Variants in FGD4 observed in about 807,000 individuals in gnomAD.
FGD4 encodes FYVE, RhoGEF and PH domain-containing protein 4.
Under a neutral mutation model 102.0 loss-of-function variants are expected in FGD4, and 42 were observed. That is an observed-to-expected ratio of 0.41 (90% CI 0.32 to 0.53). The LOEUF is 0.53. FGD4 is among the 20% of genes least tolerant of loss of function. The pLI is 0.21. For synonymous variants in FGD4, 380 were observed against 375.7 expected (o/e 1.01, Z -0.13); for missense variants, 902 against 1,078.2 (o/e 0.84, Z 2.29).
intron 1 of FGD4, among the ~76,000 whole-genome samples, chr12:32,471,062 C>T (rs1943403791): frequency 6.6e-6 from 1 of 152,210 alleles, no homozygotes; most frequent in Admixed American, 6.5e-5. Context: ...TCTTTCCATT[C>T]TTCTCCTGTC....
At chr12:32,505,389 TAGCTC>T (rs1454760157) in intron 1 of FGD4, among the ~76,000 whole-genome samples, 1 of 152,238 alleles carries the variant, frequency 6.6e-6, no homozygotes, top group Non-Finnish European at 1.5e-5. Context: ...ACAAAAGCTA[TAGCTC>T]AAAGCTGGTT....
At chr12:32,617,176 C>T (rs1285968304) in intron 10 of FGD4, among the ~76,000 whole-genome samples, 1 of 152,172 alleles carries the variant, frequency 6.6e-6, no homozygotes, top group Admixed American at 6.5e-5. Flanking sequence ...ACATTCAAAC[C>T]ATGGCAGCTA....
intron 3 of FGD4, among the ~76,000 whole-genome samples, chr12:32,577,548 C>T (rs1456772407): frequency 6.6e-6 from 1 of 152,180 alleles, no homozygotes; most frequent in Admixed American, 6.5e-5. Context: ...TTTCCTGTGA[C>T]AACTCAGAGG....
chr12:32,634,728 T>C (rs1438060938), intron 15 of FGD4, among the ~76,000 whole-genome samples: 1 of 152,202 alleles, frequency 6.6e-6, no homozygotes, highest in Admixed American at 6.5e-5. Context: ...CAGTGGCTCA[T>C]GCCTGTAATC....
At chr12:32,478,123 TAA>T (rs1037740128) in intron 1 of FGD4, among the ~76,000 whole-genome samples, 29 of 152,368 alleles carry the variant, frequency 1.9e-4, no homozygotes, top group African/African-American at 7.0e-4. Context: ...TGATTAGTAT[TAA>T]GTCTTTGACC....
chr12:32,476,742 C>T (rs1010385220), intron 1 of FGD4, among the ~76,000 whole-genome samples: 7 of 152,138 alleles, frequency 4.6e-5, no homozygotes, highest in Non-Finnish European at 1.0e-4. Context: ...GGTGCCTGGC[C>T]TCTTAAAGAT....
intron 1 of FGD4, among the ~76,000 whole-genome samples, chr12:32,442,648 T>G (rs1179587076): frequency 1.4e-5 from 2 of 141,090 alleles, no homozygotes; most frequent in Non-Finnish European, 3.0e-5. Flanking sequence ...AACCTCTGCC[T>G]CCCGGGTTCA....
intron 1 of FGD4, chr12:32,486,063 C>T (rs1384260988): frequency 4.6e-6 from 7 of 1,507,908 alleles, no homozygotes; most frequent in Non-Finnish European, 6.2e-6. Flanking sequence ...AATTATGGAT[C>T]CAAATCCTTG....
Position 32,619,820 on chromosome 12 carries a change from A to G in FGD4, c.1872A>G (p.Pro624=). The part of the protein sequence containing the change: ...KIVETQNEEY[P]HTFQVSGKER... ...TAGAGACTCAAAATGAAGAATATCC[A>G]CATACTTTCCAGGTGTCTGGGAAAG... Residue 624 remains proline, a synonymous_variant, in exon 11 of 17, where the codon CCA becomes CCG. Coordinates refer to ENST00000534526, the MANE Select transcript of FGD4 (RefSeq NM_001370298.3). 6.2e-7 allele frequency: 1 copy of G among 1,614,164 alleles called. No homozygotes were observed. Among genetic ancestry groups the G allele is most frequent in the Non-Finnish European group, 8.5e-7 (1 of 1,180,018 alleles).
At chr12:32,461,353 A>G (rs1377844412) in intron 1 of FGD4, among the ~76,000 whole-genome samples, 1 of 152,190 alleles carries the variant, frequency 6.6e-6, no homozygotes, top group Non-Finnish European at 1.5e-5. Flanking sequence ...AGCTCTAGTA[A>G]CAGAAGTGTT....
intron 14 of FGD4, among the ~76,000 whole-genome samples, chr12:32,631,574 G>A (rs946939999): frequency 2.1e-5 from 3 of 140,510 alleles, no homozygotes; most frequent in Non-Finnish European, 4.5e-5. Context: ...GCGCGATCTT[G>A]GCTCACTGCA....
intron 1 of FGD4, among the ~76,000 whole-genome samples, chr12:32,531,650 C>A (rs1483906457): frequency 6.6e-6 from 1 of 152,136 alleles, no homozygotes; most frequent in Non-Finnish European, 1.5e-5. Context: ...GTGGATGTAC[C>A]ACAGTTTGTT....
At chr12:32,471,911 C>G (rs917540691) in intron 1 of FGD4, among the ~76,000 whole-genome samples, 1 of 152,154 alleles carries the variant, frequency 6.6e-6, no homozygotes, top group Non-Finnish European at 1.5e-5. Flanking sequence ...TGGGAAGTGA[C>G]TAAACAAAAA....
chr12:32,457,346 T>G (rs1050111718), intron 1 of FGD4, among the ~76,000 whole-genome samples: 5 of 152,218 alleles, frequency 3.3e-5, no homozygotes, highest in African/African-American at 1.2e-4. Context: ...AGTTCAGGAC[T>G]GTAACACTTG....
At chr12:32,423,604 A>AG (rs1331889170) in intron 1 of FGD4, among the ~76,000 whole-genome samples, 1 of 151,044 alleles carries the variant, frequency 6.6e-6, no homozygotes, top group African/African-American at 2.4e-5. Context: ...AAAAAAAAAA[A>AG]AAAAAAGAAA....
At chr12:32,526,789 A>G (rs1285097901) in intron 1 of FGD4, among the ~76,000 whole-genome samples, 2 of 152,168 alleles carry the variant, frequency 1.3e-5, no homozygotes, top group Non-Finnish European at 2.9e-5. Flanking sequence ...CCACGAGCCC[A>G]CTGGGAGGAA....
rs567323236 is a variant in FGD4, at chr12:32,628,385, C to G, written c.2172+2606C>G. 2.0e-5 allele frequency among the ~76,000 whole-genome samples: 3 copies of G among 151,024 alleles called. No individual in the cohort carries two copies. In the East Asian group the frequency reaches 5.8e-4, roughly 29 times the overall value. On this transcript the variant is annotated intron_variant, in intron 14 of 16. Transcript: ENST00000534526. ...GAAGGTGAAGTGGGAAAAAAAAAAGCCTCCACTAGAGAAAAGAGCCTGAGG... is the reference window on the plus strand; with the variant it reads ...GAAGGTGAAGTGGGAAAAAAAAAAGGCTCCACTAGAGAAAAGAGCCTGAGG...
rs2136648443 is a variant in FGD4, at chr12:32,506,555, T to C, written c.167-57582T>C. Among the ~76,000 whole-genome samples the C allele has an allele frequency of 6.6e-6, 1 of 152,274 alleles. No homozygotes were observed. Among genetic ancestry groups the C allele is most frequent in the African/African-American group, 2.4e-5 (1 of 41,570 alleles). On this transcript the variant is annotated intron_variant, in intron 1 of 16. Coordinates refer to ENST00000534526, the MANE Select transcript of FGD4 (RefSeq NM_001370298.3). The surrounding 1 kb of genome is among the most constrained non-coding windows in gnomAD (Gnocchi z 4.5). ...GGTTAGTACAACTTTCCTGTGGGCC[T>C]TTCCACAGGTATACGACCCGCACTT...
intron 1 of FGD4, among the ~76,000 whole-genome samples, chr12:32,460,463 C>T (rs1329547052): frequency 2.6e-5 from 4 of 151,088 alleles, no homozygotes; most frequent in African/African-American, 4.9e-5. Context: ...TGTGATCGTA[C>T]CACTGCACTC....
Sources: gnomAD v4.1 joint callset for allele counts (sites outside exome capture counted in the v4.1 genomes callset) on GRCh38, gnomAD v4.1.1 for gene constraint, Gnocchi (gnomAD v3.1) non-coding constraint, MANE v1.5 for transcripts, NCBI Gene and HGNC (gene_info 2026-07-23, HGNC 2026-07-21) for gene names.